The following CCBE1 variants were observed in gnomAD, a reference collection of about 807,000 sequenced individuals.
CCBE1 encodes collagen and calcium-binding EGF domain-containing protein 1.
A neutral mutation model predicts 50.0 loss-of-function variants in CCBE1; 37 were observed. That is an observed-to-expected ratio of 0.74 (90% CI 0.57 to 0.97). The LOEUF (loss-of-function observed/expected upper bound fraction) is 0.97. Ranked by LOEUF, CCBE1 falls within the 50% of genes least tolerant of loss-of-function variation. The pLI is 0.00. For missense variants in CCBE1, 538 were observed against 523.8 expected (o/e 1.03, Z -0.26); for synonymous variants, 234 against 203.7 (o/e 1.15, Z -1.27).
At chr18:59,519,813 T>G (rs934305199) in intron 2 of CCBE1, among the ~76,000 whole-genome samples, 1 of 152,374 alleles carries the variant, frequency 6.6e-6, no homozygotes, top group Non-Finnish European at 1.5e-5. Flanking sequence ...AGGTCTTACA[T>G]TTAAGTCTGT....
At chr18:59,502,190 C>G (rs1377256976) in intron 2 of CCBE1, among the ~76,000 whole-genome samples, 2 of 152,204 alleles carry the variant, frequency 1.3e-5, no homozygotes, top group Non-Finnish European at 2.9e-5. Context: ...TCCCACCTTG[C>G]TGAGCTGCCC....
At chr18:59,540,932 AAGT>A (rs1358912710) in intron 2 of CCBE1, among the ~76,000 whole-genome samples, 4 of 152,220 alleles carry the variant, frequency 2.6e-5, no homozygotes, top group African/African-American at 9.7e-5. Context: ...CTTTAGAAGA[AAGT>A]AGTTGGGCTG....
chr18:59,490,082 G>C (rs1339829029), intron 2 of CCBE1, among the ~76,000 whole-genome samples: 3 of 143,588 alleles, frequency 2.1e-5, no homozygotes, highest in African/African-American at 7.8e-5. Context: ...CACCTCCCAG[G>C]TTCAAGTGAT....
intron 2 of CCBE1, among the ~76,000 whole-genome samples, chr18:59,595,098 G>C (rs2053331625): frequency 7.3e-6 from 1 of 136,156 alleles, no homozygotes; most frequent in African/African-American, 3.3e-5. Context: ...CCTGGCAACA[G>C]AGCGAGACTC....
chr18:59,619,879 T>G (rs1485121549), intron 2 of CCBE1, among the ~76,000 whole-genome samples: 1 of 152,198 alleles, frequency 6.6e-6, no homozygotes, highest in South Asian at 2.1e-4. Context: ...TTTTATAAAC[T>G]CCTAGTGGTC....
intron 2 of CCBE1, among the ~76,000 whole-genome samples, chr18:59,543,846 A>AC (rs1555690341): frequency 0.078 from 10,898 of 140,606 alleles, 954 homozygotes; most frequent in East Asian, 0.4. Flanking sequence ...AAAAAAAAAA[A>AC]AAAAAAAAAA....
At chr18:59,561,128 C>A (rs1401478553) in intron 2 of CCBE1, among the ~76,000 whole-genome samples, 1 of 152,162 alleles carries the variant, frequency 6.6e-6, no homozygotes, top group Non-Finnish European at 1.5e-5. Context: ...AAGCTCAGGG[C>A]AGTGTAAATG....
At chr18:59,583,668 TGTGTGTGTGTGTGCGC>T (rs1451268834) in intron 2 of CCBE1, among the ~76,000 whole-genome samples, 2 of 93,998 alleles carry the variant, frequency 2.1e-5, no homozygotes, top group South Asian at 8.1e-4. Context: ...TGTGTGTGTG[TGTGTGTGTGTGTGCGC>T]GCGCGCGCGC....
intron 5 of CCBE1, among the ~76,000 whole-genome samples, chr18:59,460,489 G>A (rs1046941554): frequency 2.6e-5 from 4 of 152,164 alleles, no homozygotes; most frequent in Admixed American, 1.3e-4. Context: ...CTGATGTTCC[G>A]GAATGTGGGA....
intron 2 of CCBE1, among the ~76,000 whole-genome samples, chr18:59,487,907 C>T (rs1246640176): frequency 1.3e-5 from 2 of 152,202 alleles, no homozygotes; most frequent in Non-Finnish European, 2.9e-5. Context: ...ATGGTCATAG[C>T]AGCATTATTC....
chr18:59,670,035 G>A (rs118026692), intron 2 of CCBE1, among the ~76,000 whole-genome samples: 4,711 of 152,072 alleles, frequency 0.031, 113 homozygotes, highest in Middle Eastern at 0.071. Context: ...GCACAGGGCT[G>A]ATGCAATCAT....
chr18:59,491,835 C>CAAACAAATAAACAAACA (rs71177029), intron 2 of CCBE1, among the ~76,000 whole-genome samples: 3,300 of 148,638 alleles, frequency 0.022, 138 homozygotes, highest in East Asian at 0.2. Flanking sequence ...AACAAACAAA[C>CAAACAAATAAACAAACA]AAAAAAAAAC....
At chr18:59,611,034 A>G (rs1176170800) in intron 2 of CCBE1, among the ~76,000 whole-genome samples, 2 of 152,248 alleles carry the variant, frequency 1.3e-5, no homozygotes, top group Admixed American at 6.5e-5. Flanking sequence ...ATGCTTCAGC[A>G]CAAAGACAGT....
At chr18:59,476,399 C>G (rs1232174791) in intron 3 of CCBE1, among the ~76,000 whole-genome samples, 3 of 152,142 alleles carry the variant, frequency 2.0e-5, no homozygotes, top group African/African-American at 7.2e-5. Flanking sequence ...TGAAGTAGAA[C>G]AAATGAGATC....
intron 3 of CCBE1, 120 bp downstream of exon 3, chr18:59,480,062 CACAG>C (rs1284618973): frequency 1.3e-5 from 9 of 714,630 alleles, no homozygotes; most frequent in East Asian, 2.8e-5. Context: ...AAAAAATATA[CACAG>C]ACAGATACAC....
At chr18:59,609,802 C>T (rs1407315529) in intron 2 of CCBE1, among the ~76,000 whole-genome samples, 5 of 152,186 alleles carry the variant, frequency 3.3e-5, no homozygotes, top group Admixed American at 2.6e-4. Context: ...TTAAAACATA[C>T]CAGAAAACCT....
intron 2 of CCBE1, among the ~76,000 whole-genome samples, chr18:59,481,533 C>A (rs1452901181): frequency 1.3e-5 from 2 of 152,200 alleles, no homozygotes; most frequent in African/African-American, 4.8e-5. Flanking sequence ...ATGTCATGGT[C>A]ACGCTGCTGA....
At chr18:59,519,329 A>G (rs563143407) in intron 2 of CCBE1, among the ~76,000 whole-genome samples, 371 of 152,310 alleles carry the variant, frequency 2.4e-3, no homozygotes, top group Non-Finnish European at 4.2e-3. Context: ...TGCTAAGAAG[A>G]ATAAAATAAA....
At chr18:59,449,608 CAG>C (rs564459282) in intron 6 of CCBE1, among the ~76,000 whole-genome samples, 1,450 of 127,104 alleles carry the variant, frequency 0.011, 15 homozygotes, top group South Asian at 0.029. Flanking sequence ...GCCTGGGCAA[CAG>C]AGTGAGACTC....
Sources: gnomAD v4.1 joint callset for allele counts (sites outside exome capture counted in the v4.1 genomes callset) on GRCh38, gnomAD v4.1.1 for gene constraint, MANE v1.5 for transcripts, NCBI Gene and HGNC (gene_info 2026-07-23, HGNC 2026-07-21) for gene names.